The following DNPEP variants were observed in gnomAD, a reference collection of about 807,000 sequenced individuals.
DNPEP encodes aspartyl aminopeptidase.
DNPEP carries 46 observed loss-of-function variants against 59.1 expected under a neutral mutation model. That is an observed-to-expected ratio of 0.78 (90% CI 0.61 to 0.99). The LOEUF is 0.99. DNPEP is among the 50% of genes least tolerant of loss of function. The pLI is 0.00. For synonymous variants in DNPEP, 229 were observed against 242.2 expected (o/e 0.95, Z 0.50); for missense variants, 617 against 649.9 (o/e 0.95, Z 0.55).
chr2:219,383,040 G>GA, intron 10 of DNPEP, 91 bp downstream of exon 10: 1 of 1,243,760 alleles, frequency 8.0e-7, no homozygotes, highest in Non-Finnish European at 1.2e-6. Context: ...GGGGCCCCCA[G>GA]AAGAGCCCTG....
In DNPEP at chr2:219,387,138, T is replaced by G; in HGVS notation, c.62A>C (p.Lys21Thr). ...CTTAGCCGCAGTCTGCACCGCCTCT[T>G]TGCGGGCCTTACCGTTCATGGCCAC... Reference protein sequence around the residue: ...MQVAMNGKARKEAVQTAAKEL... With the variant: ...MQVAMNGKARTEAVQTAAKEL... Residue 21 changes from lysine (K) to threonine (T), a missense_variant, in exon 2 of 15, where the codon AAA becomes ACA. Coordinates refer to ENST00000273075, the MANE Select transcript of DNPEP (RefSeq NM_012100.4). The G allele has an allele frequency of 6.4e-7, 1 of 1,565,148 alleles. No homozygotes were observed. Among genetic ancestry groups the G allele is most frequent in the Non-Finnish European group, 8.7e-7 (1 of 1,153,786 alleles).
intron 1 of DNPEP, 199 bp from the exon 2 acceptor site, chr2:219,387,362 T>C: frequency 2.1e-6 from 3 of 1,441,744 alleles, no homozygotes; most frequent in African/African-American, 2.9e-5. Context: ...CCCAGGATCA[T>C]GAGCCAGGCC....
At chr2:219,383,264 G>A in intron 9 of DNPEP, 50 bp from the exon 10 acceptor site, 1 of 1,555,506 alleles carries the variant, frequency 6.4e-7, no homozygotes, top group East Asian at 2.2e-5. Context: ...GCTTCTGCTG[G>A]AACTCAGCCC....
intron 8 of DNPEP, 187 bp downstream of exon 8, chr2:219,385,237 G>A (rs942475887): frequency 3.5e-6 from 2 of 570,292 alleles, no homozygotes; most frequent in African/African-American, 3.7e-5. Flanking sequence ...GGGCAGGTCT[G>A]GGGTAGGGAA....
At chr2:219,375,103 G>A in intron 13 of DNPEP, 81 bp from the exon 14 acceptor site, 1 of 1,459,886 alleles carries the variant, frequency 6.8e-7, no homozygotes, top group Non-Finnish European at 9.5e-7. Flanking sequence ...AGAATTGCAG[G>A]GTGGGAAGGG....
chr2:219,388,035 C>T (rs1470088415), upstream of DNPEP: 4 of 916,694 alleles, frequency 4.4e-6, 1 homozygote, highest in African/African-American at 5.5e-5. Context: ...CCGCTCCGCC[C>T]CTCGCTGGGC....
chr2:219,385,396 C>G lies in DNPEP; in HGVS notation c.774+28G>C, dbSNP rs1371280375. 7 of 1,554,514 alleles carry G rather than the reference C, an allele frequency of 4.5e-6. No individual in the cohort carries two copies. In the African/African-American group the frequency reaches 8.1e-5, roughly 18 times the overall value. ...TGGCCAGGATCCTGGAGGCCCTTCACCCACAGGTTCCTACAGCCAGTCCTC... is the reference window on the plus strand; with the variant it reads ...TGGCCAGGATCCTGGAGGCCCTTCAGCCACAGGTTCCTACAGCCAGTCCTC... On this transcript the variant is annotated intron_variant, in intron 8 of 14. Coordinates refer to ENST00000273075, the MANE Select transcript of DNPEP (RefSeq NM_012100.4).
At chr2:219,376,344 C>T (rs962213399) in intron 13 of DNPEP, among the ~76,000 whole-genome samples, 3 of 151,772 alleles carry the variant, frequency 2.0e-5, no homozygotes, top group African/African-American at 7.3e-5. Context: ...AAGAAACAGC[C>T]GGGCATGGTG....
At chr2:219,390,881 A>G (rs908404781), upstream of DNPEP, among the ~76,000 whole-genome samples, 1 of 152,200 alleles carries the variant, frequency 6.6e-6, no homozygotes, top group African/African-American at 2.4e-5. Flanking sequence ...CTTTTTATTG[A>G]GCAGATTAAC....
At chr2:219,396,592 A>G (rs1348631364) in intron 1 of DNPEP, among the ~76,000 whole-genome samples, 1 of 151,954 alleles carries the variant, frequency 6.6e-6, no homozygotes, top group Non-Finnish European at 1.5e-5. Context: ...CATCTCAAAA[A>G]AAAAGAAAAA....
chr2:219,394,265 C>T (rs1235017653), intron 1 of DNPEP, among the ~76,000 whole-genome samples: 1 of 152,090 alleles, frequency 6.6e-6, no homozygotes, highest in South Asian at 2.1e-4. Flanking sequence ...ACCCAATGGT[C>T]GATTTTCAGT....
intron 1 of DNPEP, chr2:219,399,923 C>T (rs1954160539): frequency 6.4e-7 from 1 of 1,550,524 alleles, no homozygotes; most frequent in Non-Finnish European, 8.7e-7. Context: ...GGCTCCGAGC[C>T]ATGGTGACCT....
At chr2:219,399,774 T>A in intron 1 of DNPEP, 13 of 1,056,412 alleles carry the variant, frequency 1.2e-5, no homozygotes, top group Non-Finnish European at 1.8e-5. Context: ...TTTATCCCCA[T>A]AATGCCTAAG....
chr2:219,395,775 A>G (rs918174199), intron 1 of DNPEP, among the ~76,000 whole-genome samples: 6 of 152,156 alleles, frequency 3.9e-5, no homozygotes, highest in East Asian at 1.9e-4. Flanking sequence ...AGGGAGGCCA[A>G]TCCTCCTCTC....
intron 8 of DNPEP, chr2:219,384,739 T>C (rs1385963892): frequency 3.7e-6 from 1 of 266,846 alleles, no homozygotes; most frequent in Non-Finnish European, 7.3e-6. Flanking sequence ...CAGCTAATTT[T>C]TGTATTTTTA....
At chr2:219,379,644 C>T (rs556377490) in intron 13 of DNPEP, among the ~76,000 whole-genome samples, 12 of 152,106 alleles carry the variant, frequency 7.9e-5, no homozygotes, top group Admixed American at 6.5e-4. Context: ...AAAAGTTGGC[C>T]GGGTGCAGTG....
At chr2:219,385,343 T>C (rs1301869550) in intron 8 of DNPEP, 81 bp downstream of exon 8, 9 of 867,370 alleles carry the variant, frequency 1.0e-5, no homozygotes, top group South Asian at 3.0e-5. Context: ...GTGGAGGTGA[T>C]GGGTGCTTCA....
chr2:219,381,462 G>A, intron 12 of DNPEP, 26 bp from the exon 13 acceptor site: 1 of 1,613,946 alleles, frequency 6.2e-7, no homozygotes, highest in Non-Finnish European at 8.5e-7. Flanking sequence ...GTGAGGCAGA[G>A]GTAATGACAG....
upstream of DNPEP, among the ~76,000 whole-genome samples, chr2:219,392,911 C>A (rs1954041273): frequency 6.6e-6 from 1 of 152,206 alleles, no homozygotes; most frequent in Non-Finnish European, 1.5e-5. Flanking sequence ...TGTGCTCACT[C>A]CCTCGCACAC....
Sources: allele counts gnomAD v4.1 joint callset (sites outside exome capture counted in the v4.1 genomes callset), GRCh38; gene constraint gnomAD v4.1.1; transcripts MANE v1.5; gene names NCBI Gene and HGNC (gene_info 2026-07-23, HGNC 2026-07-21).